Variants in SNX18 observed in about 807,000 individuals in gnomAD.
SNX18 encodes the protein sorting nexin 18.
SNX18 carries 35 observed loss-of-function variants against 48.7 expected under a neutral mutation model. That is an observed-to-expected ratio of 0.72 (90% CI 0.55 to 0.95). The LOEUF (loss-of-function observed/expected upper bound fraction) is 0.95. Ranked by LOEUF, SNX18 falls within the 40% of genes least tolerant of loss-of-function variation. The pLI is 0.00. For synonymous variants in SNX18, 492 were observed against 384.7 expected (o/e 1.28, Z -3.26); for missense variants, 824 against 871.0 (o/e 0.95, Z 0.68).
chr5:54,540,167 A>G (rs531115468), intron 1 of SNX18, among the ~76,000 whole-genome samples: 2 of 152,186 alleles, frequency 1.3e-5, no homozygotes, highest in East Asian at 3.9e-4. Flanking sequence ...AGACTTTGGA[A>G]AATGTATGCT....
At chr5:54,597,747 A>G in the SNX18 span, among the ~76,000 whole-genome samples, 3 of 152,334 alleles carry the variant, frequency 2.0e-5, no homozygotes, top group African/African-American at 7.2e-5. Flanking sequence ...CAGTGTTAAG[A>G]GGGAGATTTA....
At chr5:54,603,306 C>T in the SNX18 span, among the ~76,000 whole-genome samples, 2 of 151,428 alleles carry the variant, frequency 1.3e-5, no homozygotes, top group African/African-American at 4.9e-5. Context: ...AGTGGCACAA[C>T]CATAGTACAC....
At chr5:54,527,361 G>A (rs918497055) in intron 1 of SNX18, among the ~76,000 whole-genome samples, 1 of 150,196 alleles carries the variant, frequency 6.7e-6, no homozygotes, top group African/African-American at 2.5e-5. Flanking sequence ...GGGGAGCCGG[G>A]GGGGGGGGTC....
chr5:54,598,567 G>C, the SNX18 span, among the ~76,000 whole-genome samples: 2,966 of 152,264 alleles, frequency 0.019, 103 homozygotes, highest in African/African-American at 0.068. Flanking sequence ...GGGATGCAAG[G>C]CTGGTTCAAC....
At chr5:54,594,487 C>T in the SNX18 span, among the ~76,000 whole-genome samples, 1 of 152,166 alleles carries the variant, frequency 6.6e-6, no homozygotes, top group Non-Finnish European at 1.5e-5. Context: ...AGTCTTCTCA[C>T]TGTTCTCTAA....
At chr5:54,547,735 T>G (rs559692545), downstream of SNX18, among the ~76,000 whole-genome samples, 1 of 152,140 alleles carries the variant, frequency 6.6e-6, no homozygotes, top group Admixed American at 6.5e-5. Flanking sequence ...ACTGACTGTT[T>G]CCCCTTCTCT....
the SNX18 span, among the ~76,000 whole-genome samples, chr5:54,625,790 A>AGACT: frequency 6.6e-6 from 1 of 152,244 alleles, no homozygotes; most frequent in Middle Eastern, 3.4e-3. Flanking sequence ...TAGGCACATG[A>AGACT]TCCAAACCTG....
At chr5:54,630,174 A>G in the SNX18 span, among the ~76,000 whole-genome samples, 1 of 152,294 alleles carries the variant, frequency 6.6e-6, no homozygotes, top group East Asian at 1.9e-4. Context: ...GCTCTGTTGT[A>G]CTCAGTGCCC....
chr5:54,599,480 A>G, the SNX18 span, among the ~76,000 whole-genome samples: 1 of 152,178 alleles, frequency 6.6e-6, no homozygotes, highest in African/African-American at 2.4e-5. Context: ...AGAAAAAACT[A>G]TTTTAAAATT....
At chr5:54,528,400 G>A (rs1762179492) in intron 1 of SNX18, among the ~76,000 whole-genome samples, 2 of 152,176 alleles carry the variant, frequency 1.3e-5, no homozygotes, top group African/African-American at 4.8e-5. Context: ...ATTTAACTTA[G>A]TACTGCGAAT....
the SNX18 span, among the ~76,000 whole-genome samples, chr5:54,554,017 C>T: frequency 9.8e-5 from 15 of 152,372 alleles, no homozygotes; most frequent in East Asian, 2.3e-3. Flanking sequence ...ATTCGCTGTT[C>T]TGCATGGCTG....
chr5:54,618,368 T>A, the SNX18 span, among the ~76,000 whole-genome samples: 1 of 152,074 alleles, frequency 6.6e-6, no homozygotes, highest in Non-Finnish European at 1.5e-5. Context: ...ATATACAGAG[T>A]TAGTATTCCA....
chr5:54,538,785 T>G (rs764080817), intron 1 of SNX18, among the ~76,000 whole-genome samples: 6 of 152,236 alleles, frequency 3.9e-5, no homozygotes, highest in Non-Finnish European at 5.9e-5. Flanking sequence ...GTTTTAAGTA[T>G]ATTACTATCA....
rs1423848153 is a variant in SNX18, at chr5:54,544,094, C to T, written c.*662C>T. On this transcript the variant is annotated 3_prime_UTR_variant, in exon 2 of 2. Transcript: ENST00000381410. ...TCAATTTGCACAGCAAGTATTATCT[C>T]CTGATAAGATGCTGGTGAATGCAGG... 6.6e-6 allele frequency: 1 copy of T among 152,154 alleles called. No homozygotes were observed. The highest frequency in any genetic ancestry group is 1.9e-4 in the East Asian group (1 of 5,188). The allele number at this position is 152,154 out of a possible 1,614,324, so 9.4% of individuals were successfully genotyped here.
rs1168881416 is a variant in SNX18, at chr5:54,545,235, A to C, written c.*1803A>C. 2 of 152,232 alleles carry C rather than the reference A, an allele frequency of 1.3e-5. No homozygotes were observed. Among genetic ancestry groups the C allele is most frequent in the Non-Finnish European group, 2.9e-5 (2 of 68,032 alleles). The allele number at this position is 152,232 out of a possible 1,614,324, so 9.4% of individuals were successfully genotyped here. Reference sequence around the variant, plus strand: ...GTTGTCTCTAAAACTTGTTGATTGCAAAATACAGTTCTATAAACAAAACCC... The same window carrying C: ...GTTGTCTCTAAAACTTGTTGATTGCCAAATACAGTTCTATAAACAAAACCC... On this transcript the variant is annotated 3_prime_UTR_variant, in exon 2 of 2. Coordinates refer to ENST00000381410, the MANE Select transcript of SNX18 (RefSeq NM_001102575.2).
chr5:54,589,214 T>C, the SNX18 span, among the ~76,000 whole-genome samples: 5 of 152,128 alleles, frequency 3.3e-5, no homozygotes, highest in African/African-American at 4.8e-5. Flanking sequence ...CCTTTTCCTC[T>C]CATTTCTTTC....
At chr5:54,630,327 G>A in the SNX18 span, among the ~76,000 whole-genome samples, 1 of 152,228 alleles carries the variant, frequency 6.6e-6, no homozygotes, top group African/African-American at 2.4e-5. Context: ...GTGTACCTGT[G>A]TGTGTGTGTG....
the SNX18 span, among the ~76,000 whole-genome samples, chr5:54,561,434 C>T: frequency 0.042 from 6,345 of 151,360 alleles, 186 homozygotes; most frequent in East Asian, 0.093. Flanking sequence ...ACCTCCTGAG[C>T]TCAAGAGGTC....
At chr5:54,590,423 C>T in the SNX18 span, among the ~76,000 whole-genome samples, 3 of 152,130 alleles carry the variant, frequency 2.0e-5, no homozygotes, top group Non-Finnish European at 1.5e-5. Context: ...TTGTTAAAGC[C>T]TAAGTCAGAT....
Sources: gnomAD v4.1 joint callset for allele counts (sites outside exome capture counted in the v4.1 genomes callset) on GRCh38, gnomAD v4.1.1 for gene constraint, MANE v1.5 for transcripts, NCBI Gene and HGNC (gene_info 2026-07-23, HGNC 2026-07-21) for gene names.